The following CNBD1 variants were observed in gnomAD, a reference collection of about 807,000 sequenced individuals.
The protein encoded by CNBD1 is cyclic nucleotide-binding domain-containing protein 1.
In CNBD1, 71 loss-of-function variants were observed where a neutral mutation model predicts 54.4. That is an observed-to-expected ratio of 1.30 (90% CI 1.08 to 1.59). The LOEUF is 1.59. CNBD1 is among the 40% of genes most tolerant of loss of function. CNBD1 has a pLI of 0.00. For synonymous variants in CNBD1, 182 were observed against 170.7 expected (o/e 1.07, Z -0.51); for missense variants, 659 against 518.0 (o/e 1.27, Z -2.64).
chr8:87,328,417 AT>A (rs1190319488), intron 8 of CNBD1, among the ~76,000 whole-genome samples: 3 of 150,148 alleles, frequency 2.0e-5, no homozygotes, highest in African/African-American at 7.3e-5. Flanking sequence ...ATTATGTTTA[AT>A]TTTTTTCATA....
At chr8:86,877,211 A>G (rs764909139) in intron 1 of CNBD1, among the ~76,000 whole-genome samples, 7 of 152,104 alleles carry the variant, frequency 4.6e-5, no homozygotes, top group Non-Finnish European at 7.4e-5. Flanking sequence ...GTACAGATAT[A>G]TATTACATTT....
rs568454779 is a variant in CNBD1, at chr8:87,194,137, A to G, written c.432-11856A>G. The stretch of plus-strand genomic sequence containing the variant: ...TGTGCCTTATGAGAATCTAATGATT[A>G]ATGCGCTTGAATCATCACAAAAAAT... On this transcript the variant is annotated intron_variant, in intron 4 of 10. Transcript: ENST00000518476. 2.6e-5 allele frequency among the ~76,000 whole-genome samples: 4 copies of G among 152,320 alleles called. No homozygotes were observed. The East Asian group carries it at 7.7e-4, about 29-fold the overall frequency.
chr8:86,953,200 G>A (rs1481974807), intron 4 of CNBD1, among the ~76,000 whole-genome samples: 1 of 152,124 alleles, frequency 6.6e-6, no homozygotes, highest in Admixed American at 6.6e-5. Context: ...CTTAGTGTGA[G>A]CATGTGCCTT....
chr8:87,052,092 G>T (rs146867221), intron 4 of CNBD1, among the ~76,000 whole-genome samples: 1 of 152,132 alleles, frequency 6.6e-6, no homozygotes, highest in Admixed American at 6.5e-5. Context: ...ATTTGCAGGC[G>T]TACCCTGGGG....
intron 5 of CNBD1, among the ~76,000 whole-genome samples, chr8:87,217,025 G>C (rs2130805814): frequency 6.6e-6 from 1 of 152,204 alleles, no homozygotes; most frequent in Non-Finnish European, 1.5e-5. Flanking sequence ...AATGGCTCTT[G>C]ATGTAATATG....
intron 5 of CNBD1, among the ~76,000 whole-genome samples, chr8:87,225,012 A>T (rs1177839001): frequency 2.0e-5 from 3 of 151,970 alleles, no homozygotes; most frequent in Non-Finnish European, 4.4e-5. Flanking sequence ...GCAATTGTGA[A>T]TGGGAGTTCA....
rs189508954 is a variant in CNBD1 at position 87,000,744 on chromosome 8, A to T, written c.431+60990A>T. Among the ~76,000 whole-genome samples the T allele has an allele frequency of 8.5e-5, 13 of 152,216 alleles. No homozygotes were observed. The East Asian group carries it at 2.5e-3, about 29-fold the overall frequency. On this transcript the variant is annotated intron_variant, in intron 4 of 10. Coordinates refer to ENST00000518476, the MANE Select transcript of CNBD1 (RefSeq NM_173538.3). The stretch of plus-strand genomic sequence containing the variant: ...ACTTTCATTCTTTTAGAACTTTTTA[A>T]TGTTGTTCCATCATCTTATGGCATT...
At chr8:87,327,039 G>A (rs1809685381) in intron 8 of CNBD1, among the ~76,000 whole-genome samples, 1 of 150,054 alleles carries the variant, frequency 6.7e-6, no homozygotes, top group Non-Finnish European at 1.5e-5. Context: ...ACCCTCAGCT[G>A]CAGATCTGTT....
intron 5 of CNBD1, among the ~76,000 whole-genome samples, chr8:87,228,775 C>T (rs1011022053): frequency 5.3e-5 from 8 of 152,044 alleles, no homozygotes; most frequent in African/African-American, 1.5e-4. Flanking sequence ...CCACCCAGTT[C>T]GAGCTTCCAG....
chr8:87,380,859 G>T (rs2130959332), intron 10 of CNBD1, among the ~76,000 whole-genome samples: 1 of 152,078 alleles, frequency 6.6e-6, no homozygotes, highest in African/African-American at 2.4e-5. Context: ...GAATAAAATT[G>T]GACCCTTACC....
chr8:87,290,372 T>C (rs1171266160), intron 8 of CNBD1, among the ~76,000 whole-genome samples: 1 of 152,134 alleles, frequency 6.6e-6, no homozygotes, highest in Non-Finnish European at 1.5e-5. Context: ...CTTAGTTCAA[T>C]ATCAGTTTTC....
At chr8:86,921,940 T>G (rs978806001) in intron 3 of CNBD1, among the ~76,000 whole-genome samples, 1 of 151,888 alleles carries the variant, frequency 6.6e-6, no homozygotes, top group Non-Finnish European at 1.5e-5. Context: ...GTAAGTGCAG[T>G]GTAGGGGGTG....
intron 2 of CNBD1, among the ~76,000 whole-genome samples, chr8:86,900,567 A>G (rs1011993400): frequency 2.6e-5 from 4 of 152,182 alleles, no homozygotes; most frequent in Non-Finnish European, 5.9e-5. Flanking sequence ...TACATTAACA[A>G]TTAACATTTT....
In CNBD1 at chr8:87,182,680, A is replaced by T. The variant is rs1813383115; in HGVS notation, c.432-23313A>T. 1.3e-5 allele frequency among the ~76,000 whole-genome samples: 2 copies of T among 151,180 alleles called. No homozygotes were observed. The highest frequency in any genetic ancestry group is 4.2e-4 in the South Asian group (2 of 4,802). ...CATTTTTTCATATGTTTGCTGCCTGAATGTATGTCTTCTTTTGAGAAGTGT... is the reference window on the plus strand; with the variant it reads ...CATTTTTTCATATGTTTGCTGCCTGTATGTATGTCTTCTTTTGAGAAGTGT... On this transcript the variant is annotated intron_variant, in intron 4 of 10. Coordinates refer to ENST00000518476, the MANE Select transcript of CNBD1 (RefSeq NM_173538.3). This position sits in a 1 kb window ranked among gnomAD's most constrained non-coding sequence, Gnocchi z 4.1.
chr8:86,917,971 A>G (rs1440417458), intron 3 of CNBD1, among the ~76,000 whole-genome samples: 1 of 152,234 alleles, frequency 6.6e-6, no homozygotes, highest in African/African-American at 2.4e-5. Flanking sequence ...CTCATGAGAA[A>G]GTTTTAGTTT....
intron 2 of CNBD1, among the ~76,000 whole-genome samples, chr8:86,890,563 C>T (rs1001816403): frequency 6.6e-6 from 1 of 152,104 alleles, no homozygotes; most frequent in East Asian, 1.9e-4. Flanking sequence ...GCAGATATCT[C>T]TTCCACATAT....
At chr8:87,201,233 G>T (rs1813853342) in intron 4 of CNBD1, among the ~76,000 whole-genome samples, 1 of 151,944 alleles carries the variant, frequency 6.6e-6, no homozygotes, top group African/African-American at 2.4e-5. Context: ...GAACAGAAGA[G>T]AACTTCCTTA....
At chr8:87,177,990 A>G (rs569920951) in intron 4 of CNBD1, among the ~76,000 whole-genome samples, 1 of 152,332 alleles carries the variant, frequency 6.6e-6, no homozygotes, top group East Asian at 1.9e-4. Flanking sequence ...TCAAAGTACA[A>G]TTTACTTGCT....
At chr8:87,340,975 A>G (rs527899608) in intron 8 of CNBD1, among the ~76,000 whole-genome samples, 107 of 152,104 alleles carry the variant, frequency 7.0e-4, no homozygotes, top group Admixed American at 1.5e-3. Context: ...ATGTGTTAGT[A>G]TCTGCGTATT....
Sources: gnomAD v4.1 joint callset for allele counts (sites outside exome capture counted in the v4.1 genomes callset) on GRCh38, gnomAD v4.1.1 for gene constraint, Gnocchi (gnomAD v3.1) non-coding constraint, MANE v1.5 for transcripts, NCBI Gene and HGNC (gene_info 2026-07-23, HGNC 2026-07-21) for gene names.